Variants in RNH1 observed in about 807,000 individuals in gnomAD.
RNH1 encodes the protein ribonuclease inhibitor.
Under a neutral mutation model 46.1 loss-of-function variants are expected in RNH1, and 38 were observed. The ratio of observed to expected loss-of-function variants is 0.82; its 90% CI spans 0.64 to 1.08. RNH1 has a LOEUF of 1.08. Among genes scored for constraint, RNH1 ranks in the 50% least tolerant of loss-of-function variants. The probability of loss-of-function intolerance (pLI) is 0.00; values close to 1 mark genes in which losing one functional copy is unlikely to be tolerated. For missense variants in RNH1, 577 were observed against 590.7 expected (o/e 0.98, Z 0.24); for synonymous variants, 319 against 279.1 (o/e 1.14, Z -1.43).
Position 502,323 on chromosome 11 carries a change from A to T in RNH1, c.-87-74T>A. The T allele has an allele frequency of 4.6e-6, 3 of 648,204 alleles. No individual in the cohort carries two copies. Among genetic ancestry groups the T allele is most frequent in the Non-Finnish European group, 5.6e-6 (2 of 357,698 alleles). 40.2% of individuals were successfully genotyped at this position (648,204 alleles called of 1,614,324 possible). Reference sequence around the variant, plus strand: ...CTCCCTGGGCAAACACTTCCTCTTCAGCACCCTCCCCACCTTTGTCTCTGG... The same window carrying T: ...CTCCCTGGGCAAACACTTCCTCTTCTGCACCCTCCCCACCTTTGTCTCTGG... On this transcript the variant is annotated intron_variant, in intron 2 of 10. Coordinates refer to ENST00000354420, the MANE Select transcript of RNH1 (RefSeq NM_203387.3). The surrounding 1 kb of genome is among the most constrained non-coding windows in gnomAD (Gnocchi z 5.8).
rs192326665 is a variant in RNH1 at position 495,298 on chromosome 11, A to G, written c.1128-245T>C. On this transcript the variant is annotated intron_variant, in intron 9 of 10. Coordinates refer to ENST00000354420, the MANE Select transcript of RNH1 (RefSeq NM_203387.3). The stretch of plus-strand genomic sequence containing the variant: ...TCGCCTGAGATCTTCTGCAGGGAGG[A>G]GAAAGGACAGGAGAGAGATGTCGTC... Among the ~76,000 whole-genome samples the G allele has an allele frequency of 6.7e-3, 1,020 of 152,250 alleles. 9 individuals are homozygous for G. Among genetic ancestry groups the G allele is most frequent in the Admixed American group, 0.013 (192 of 15,294 alleles).
At position 502,047 on chromosome 11, in the gene RNH1, C is replaced by A. The variant is rs749898863; in HGVS notation, c.101+15G>T. 2.5e-6 allele frequency: 4 copies of A among 1,603,592 alleles called. No individual in the cohort carries two copies. The highest frequency in any genetic ancestry group is 3.4e-5 in the Admixed American group (2 of 59,302). On this transcript the variant is annotated intron_variant, in intron 3 of 10. Transcript: ENST00000354420. This position sits in a 1 kb window ranked among gnomAD's most constrained non-coding sequence, Gnocchi z 5.8. ...CCCCACCAGCACCCCAAGGCCACCC[C>A]GAGAGCAAGCGTACCTGACCACTTG...
chr11:504,714 C>G (rs902058376), intron 2 of RNH1, 110 bp downstream of exon 2: 1 of 152,436 alleles, frequency 6.6e-6, no homozygotes, highest in Non-Finnish European at 1.5e-5. Context: ...TTCCCCCAGA[C>G]CATCCCTCCA....
intron 9 of RNH1, 74 bp downstream of exon 9, chr11:497,897 C>T: frequency 6.6e-7 from 1 of 1,517,912 alleles, no homozygotes. Context: ...GATACTCGTG[C>T]ACTCTCGCCC....
chr11:498,994 C>A, intron 6 of RNH1, 21 bp downstream of exon 6: 1 of 1,612,428 alleles, frequency 6.2e-7, no homozygotes, highest in Non-Finnish European at 8.5e-7. Flanking sequence ...ACCCCGCACC[C>A]CCCCAAGGCC....
Position 494,816 on chromosome 11 carries a change from C to T in RNH1, c.1299-38G>A, listed in dbSNP as rs756394474. 66 of 1,611,986 alleles carry T rather than the reference C, an allele frequency of 4.1e-5. No homozygotes were observed. The East Asian group carries it at 1.4e-3, about 35-fold the overall frequency. On this transcript the variant is annotated intron_variant, in intron 10 of 10. Coordinates refer to ENST00000354420, the MANE Select transcript of RNH1 (RefSeq NM_203387.3). Reference sequence around the variant, plus strand: ...CAGAAGGGAGGCATGGGCCCGTGTCCTCCCCCACCCCCGCCTTCCTCCCTG... The same window carrying T: ...CAGAAGGGAGGCATGGGCCCGTGTCTTCCCCCACCCCCGCCTTCCTCCCTG...
intron 9 of RNH1, among the ~76,000 whole-genome samples, chr11:495,282 ATCT>A (rs756445521): frequency 1.3e-4 from 20 of 152,222 alleles, no homozygotes; most frequent in African/African-American, 3.9e-4. Context: ...CTCGCCTGAG[ATCT>A]TCTGCAGGGA....
intron 9 of RNH1, among the ~76,000 whole-genome samples, chr11:496,589 A>G (rs1368332394): frequency 6.6e-6 from 1 of 152,178 alleles, no homozygotes; most frequent in Non-Finnish European, 1.5e-5. Flanking sequence ...GAATGGCATG[A>G]ACTTGGGAGG....
rs1849800778 is a variant in RNH1, at chr11:502,120, G to A, written c.43C>T (p.Leu15=). 15 of 1,612,080 alleles carry A rather than the reference G, an allele frequency of 9.3e-6. No homozygotes were observed. Among genetic ancestry groups the A allele is most frequent in the Non-Finnish European group, 1.3e-5 (15 of 1,179,382 alleles). ...IQSLDIQCEE[L]SDARWAELLP... is the part of the protein sequence containing the mutation. ...AGCTCGGCCCATCTAGCGTCGCTCA[G>A]CTCCTCACACTGGATGTCCAGGCTC... Residue 15 remains leucine (L), a synonymous_variant, in exon 3 of 11, where the codon CTG becomes TTG. Coordinates refer to ENST00000354420, the MANE Select transcript of RNH1 (RefSeq NM_203387.3). This position sits in a 1 kb window ranked among gnomAD's most constrained non-coding sequence, Gnocchi z 5.8.
rs12806089 is a variant in RNH1 at position 501,468 on chromosome 11, G to A, written c.101+594C>T. ...GTGAGGAAGACGAAAAGGGCAGGGC[G>A]GAAAAGCAGACCCTGCCTGGAGGTG... is the stretch of plus-strand genomic sequence containing the variant. On this transcript the variant is annotated intron_variant, in intron 3 of 10. Transcript: ENST00000354420. This position sits in a 1 kb window ranked among gnomAD's most constrained non-coding sequence, Gnocchi z 4.1. 15,412 of 158,126 alleles carry A rather than the reference G, an allele frequency of 0.097. 1,035 individuals are homozygous for A. The highest frequency in any genetic ancestry group is 0.18 in the Admixed American group (3,037 of 16,568). 9.8% of individuals were successfully genotyped at this position (158,126 alleles called of 1,614,324 possible).
rs764833135 is a variant in RNH1, at chr11:498,836, T to C, written c.712A>G (p.Lys238Glu). 3.1e-6 allele frequency: 5 copies of C among 1,610,802 alleles called. No individual in the cohort carries two copies. The African/African-American group carries it at 6.7e-5, about 22-fold the overall frequency. Residue 238 changes from lysine to glutamate, a missense_variant, in exon 7 of 11, where the codon AAG becomes GAG. Lys to Glu is a moderately conservative substitution (Grantham distance 56, BLOSUM62 1). Transcript: ENST00000354420. ...SLRELALGSN[K>E]LGDVGMAELC... ...TCCGCCATGCCCACATCACCCAGCTTGTTGCTGCCCAGGGCCAGCTCCCGC... is the reference window on the plus strand; with the variant it reads ...TCCGCCATGCCCACATCACCCAGCTCGTTGCTGCCCAGGGCCAGCTCCCGC...
At chr11:495,792 G>T (rs767126920) in intron 9 of RNH1, among the ~76,000 whole-genome samples, 1 of 152,146 alleles carries the variant, frequency 6.6e-6, no homozygotes, top group African/African-American at 2.4e-5. Context: ...CTCGAGAAAC[G>T]CAGCCATGAC....
chr11:495,559 C>T (rs1277105085), intron 9 of RNH1, among the ~76,000 whole-genome samples: 1 of 152,206 alleles, frequency 6.6e-6, no homozygotes, highest in Non-Finnish European at 1.5e-5. Flanking sequence ...CGGGGTGGAG[C>T]CGCCACAGGC....
At chr11:500,222 G>C in intron 4 of RNH1, 3 of 662,198 alleles carry the variant, frequency 4.5e-6, no homozygotes, top group East Asian at 5.5e-5. Flanking sequence ...CTTTCAGTGG[G>C]GGTCTGTGGT....
chr11:502,492 C>T lies in RNH1; in HGVS notation c.-87-243G>A, dbSNP rs1353725150. The T allele has an allele frequency of 9.6e-6, 4 of 415,830 alleles. No homozygotes were observed. The East Asian group carries it at 1.8e-4, about 18-fold the overall frequency. 25.8% of individuals were successfully genotyped at this position (415,830 alleles called of 1,614,324 possible). On this transcript the variant is annotated intron_variant, in intron 2 of 10. Coordinates refer to ENST00000354420, the MANE Select transcript of RNH1 (RefSeq NM_203387.3). The surrounding 1 kb of genome is among the most constrained non-coding windows in gnomAD (Gnocchi z 5.8). ...AGCCTCTGTGGGCACCTCCTCCTGC[C>T]CCACAGAGGGCGGGACAGCAGCAGC...
At chr11:496,272 G>A (rs561129028) in intron 9 of RNH1, among the ~76,000 whole-genome samples, 8 of 152,250 alleles carry the variant, frequency 5.3e-5, no homozygotes, top group South Asian at 2.1e-4. Flanking sequence ...AGTGGCTCAC[G>A]CCTGTAATCG....
At chr11:498,725 C>T (rs777704109) in intron 7 of RNH1, 38 bp downstream of exon 7, 9 of 1,589,626 alleles carry the variant, frequency 5.7e-6, no homozygotes, top group Middle Eastern at 1.7e-4. Flanking sequence ...GCCCGCCGCC[C>T]GACCCTCCGG....
chr11:495,549 C>T (rs905386102), intron 9 of RNH1, among the ~76,000 whole-genome samples: 2 of 152,308 alleles, frequency 1.3e-5, no homozygotes, highest in African/African-American at 4.8e-5. Flanking sequence ...ACCCACTTCC[C>T]GGGGTGGAGC....
chr11:497,517 CCAT>C (rs1278979603), intron 9 of RNH1, among the ~76,000 whole-genome samples: 1 of 138,866 alleles, frequency 7.2e-6, no homozygotes, highest in African/African-American at 2.8e-5. Flanking sequence ...TCATTCTTGC[CCAT>C]GTGCTCACAC....
Sources: allele counts gnomAD v4.1 joint callset (sites outside exome capture counted in the v4.1 genomes callset), GRCh38; gene constraint gnomAD v4.1.1; non-coding constraint Gnocchi (gnomAD v3.1); transcripts MANE v1.5; gene names NCBI Gene and HGNC (gene_info 2026-07-23, HGNC 2026-07-21).